ABHD18: variants seen among roughly 807,000 people sequenced by gnomAD.
ABHD18 encodes the protein abhydrolase domain containing 18.
A neutral mutation model predicts 65.9 loss-of-function variants in ABHD18; 55 were observed. The ratio of observed to expected loss-of-function variants is 0.84; its 90% confidence interval spans 0.67 to 1.05. The LOEUF (loss-of-function observed/expected upper bound fraction) is 1.05. Among genes scored for constraint, ABHD18 ranks in the 50% least tolerant of loss-of-function variants. The pLI is 0.00. For synonymous variants in ABHD18, 181 were observed against 180.2 expected (o/e 1.00, Z -0.04); for missense variants, 533 against 558.5 (o/e 0.95, Z 0.46).
chr4:128,028,678 T>C lies in ABHD18; in HGVS notation c.1005T>C (p.Ser335=), dbSNP rs1250881797. The part of the protein sequence containing the change: ...TSEGLLLQDT[S]KMKRFNQTLS... ...AAGGACTCTTATTGCAAGATACCTC[T>C]AAGATGAAGCGCTTCAATCAAACAC... The change falls in exon 11 of 13, where the codon TCT becomes TCC. Residue 335 remains serine (S), a synonymous_variant. Coordinates refer to ENST00000645843, the MANE Select transcript of ABHD18 (RefSeq NM_001358451.3). 1 of 1,613,932 alleles carries C rather than the reference T, an allele frequency of 6.2e-7. No homozygotes were observed. Among genetic ancestry groups the C allele is most frequent in the Non-Finnish European group, 8.5e-7 (1 of 1,179,872 alleles).
At chr4:128,021,269 TGG>T in intron 10 of ABHD18, 31 bp downstream of exon 10, 2 of 1,275,034 alleles carry the variant, frequency 1.6e-6, no homozygotes, top group Non-Finnish European at 2.2e-6. Context: ...CCAACATTGG[TGG>T]TGGGGGGAGT....
intron 4 of ABHD18, among the ~76,000 whole-genome samples, chr4:127,996,970 A>G (rs1253629618): frequency 4.6e-5 from 7 of 152,192 alleles, no homozygotes; most frequent in African/African-American, 1.4e-4. Flanking sequence ...GCAAACACAC[A>G]TTTTACAATC....
chr4:127,991,245 CAG>C (rs1375097315), intron 4 of ABHD18, among the ~76,000 whole-genome samples: 1 of 151,900 alleles, frequency 6.6e-6, no homozygotes, highest in Non-Finnish European at 1.5e-5. Context: ...AGGCTAGAGA[CAG>C]AGTCTCCAGA....
chr4:127,994,216 C>G (rs1388210358), intron 4 of ABHD18, among the ~76,000 whole-genome samples: 2 of 152,092 alleles, frequency 1.3e-5, no homozygotes, highest in African/African-American at 4.8e-5. Context: ...TGTAAAATAG[C>G]TCATGAATTG....
At chr4:127,970,201 A>C (rs1359187985) in intron 1 of ABHD18, among the ~76,000 whole-genome samples, 1 of 152,038 alleles carries the variant, frequency 6.6e-6, no homozygotes, top group Non-Finnish European at 1.5e-5. Flanking sequence ...ATTTTTAATT[A>C]AATGTTATTT....
chr4:127,984,752 C>T (rs184877585), intron 3 of ABHD18, among the ~76,000 whole-genome samples: 35 of 151,978 alleles, frequency 2.3e-4, no homozygotes, highest in Non-Finnish European at 4.6e-4. Context: ...CCCAGCTACT[C>T]GGGAGGCTGA....
At position 128,028,589 on chromosome 4, in the gene ABHD18, G is replaced by A. The variant is rs1369784076; in HGVS notation, c.916G>A (p.Val306Ile). 3.1e-6 allele frequency: 5 copies of A among 1,613,638 alleles called. No homozygotes were observed. Among genetic ancestry groups the A allele is most frequent in the Middle Eastern group, 1.6e-4 (1 of 6,082 alleles). ...RTLNLDISNQ[V>I]VSQKPADCHN... The stretch of plus-strand genomic sequence containing the variant: ...TTTAAATTTAGATATATCAAACCAA[G>A]TTGTATCCCAAAAACCTGCTGACTG... Residue 306 changes from valine (V) to isoleucine (I), a missense_variant, in exon 11 of 13, where the codon GTT (valine) becomes ATT (isoleucine). Val to Ile is a conservative substitution (Grantham distance 29, BLOSUM62 3). This residue lies in a region of ABHD18 where 220 missense variants were observed against 226.8 expected (regional missense o/e 0.97). Coordinates refer to ENST00000645843, the MANE Select transcript of ABHD18 (RefSeq NM_001358451.3).
chr4:128,036,817 G>A lies in ABHD18; in HGVS notation c.*1004G>A, dbSNP rs555253472. 1 of 151,374 alleles carries A rather than the reference G, an allele frequency of 6.6e-6. No individual in the cohort carries two copies. Among genetic ancestry groups the A allele is most frequent in the African/African-American group, 2.4e-5 (1 of 41,238 alleles). The allele number at this position is 151,374 out of a possible 1,614,324, so 9.4% of individuals were successfully genotyped here. A position where few individuals can be genotyped will look rare whatever the true frequency, so the allele number is the denominator to read the frequency against. ...GACTAAAACTTTACTAAAGATTAGG[G>A]TTTTTAAAAAATGCCAATAGGCCGG... On this transcript the variant is annotated 3_prime_UTR_variant, in exon 13 of 13. Coordinates refer to ENST00000645843, the MANE Select transcript of ABHD18 (RefSeq NM_001358451.3).
intron 4 of ABHD18, among the ~76,000 whole-genome samples, chr4:128,004,461 A>G (rs1579310107): frequency 6.6e-6 from 1 of 151,880 alleles, no homozygotes; most frequent in African/African-American, 2.4e-5. Context: ...CAAAAAAAAA[A>G]GAAAAAAAAG....
chr4:128,001,877 T>G, intron 4 of ABHD18: 8 of 1,142,918 alleles, frequency 7.0e-6, no homozygotes, highest in Non-Finnish European at 8.2e-6. Flanking sequence ...TGCCTGCCAC[T>G]CAGAAGACCC....
chr4:127,998,554 T>TC (rs1399628722), intron 4 of ABHD18, among the ~76,000 whole-genome samples: 3 of 151,636 alleles, frequency 2.0e-5, no homozygotes, highest in East Asian at 3.9e-4. Flanking sequence ...TTTTTTTTTT[T>TC]TTAAGAGACT....
intron 7 of ABHD18, among the ~76,000 whole-genome samples, chr4:128,016,974 G>A (rs1055985592): frequency 6.6e-6 from 1 of 151,862 alleles, no homozygotes; most frequent in Admixed American, 6.6e-5. Context: ...CTGGAGTACA[G>A]TGGTGCAGTC....
chr4:127,991,455 C>T (rs928413222), intron 4 of ABHD18, among the ~76,000 whole-genome samples: 2 of 152,132 alleles, frequency 1.3e-5, no homozygotes, highest in African/African-American at 2.4e-5. Context: ...AACTCCTGAC[C>T]TCAAATGATC....
chr4:127,988,185 A>G (rs1286813186), intron 3 of ABHD18, among the ~76,000 whole-genome samples: 2 of 152,182 alleles, frequency 1.3e-5, no homozygotes, highest in African/African-American at 4.8e-5. Flanking sequence ...AATAGATGAC[A>G]TTTGTCCAAC....
intron 10 of ABHD18, among the ~76,000 whole-genome samples, chr4:128,024,078 A>G (rs1756973308): frequency 6.6e-6 from 1 of 152,214 alleles, no homozygotes; most frequent in African/African-American, 2.4e-5. Context: ...AGACTGGGAA[A>G]TTTATAAGAC....
Position 128,037,219 on chromosome 4 carries a change from C to T in ABHD18, c.*1406C>T, listed in dbSNP as rs1485674078. ...GCTGAGGCAGGAGAATTGCTTGAACCCGGGAGGCAGAAGTTGCAGTGAGCG... is the reference window on the plus strand; with the variant it reads ...GCTGAGGCAGGAGAATTGCTTGAACTCGGGAGGCAGAAGTTGCAGTGAGCG... On this transcript the variant is annotated 3_prime_UTR_variant, in exon 13 of 13. Coordinates refer to ENST00000645843, the MANE Select transcript of ABHD18 (RefSeq NM_001358451.3). The T allele has an allele frequency of 6.6e-6, 1 of 151,952 alleles. No homozygotes were observed. Among genetic ancestry groups the T allele is most frequent in the Non-Finnish European group, 1.5e-5 (1 of 68,208 alleles). The allele number at this position is 151,952 out of a possible 1,614,324, so 9.4% of individuals were successfully genotyped here. A position where few individuals can be genotyped will look rare whatever the true frequency, so the allele number is the denominator to read the frequency against.
intron 10 of ABHD18, among the ~76,000 whole-genome samples, chr4:128,027,357 A>G (rs1361974657): frequency 1.3e-5 from 2 of 152,114 alleles, no homozygotes; most frequent in Admixed American, 1.3e-4. Flanking sequence ...TAAACTTAGA[A>G]TATAGTTTTG....
chr4:127,976,849 GGC>G (rs1748013037), intron 1 of ABHD18, among the ~76,000 whole-genome samples: 1 of 152,056 alleles, frequency 6.6e-6, no homozygotes, highest in Non-Finnish European at 1.5e-5. Context: ...AGACCATCCT[GGC>G]TAACACGCTG....
chr4:127,983,105 A>ATAAC, intron 2 of ABHD18, 58 bp downstream of exon 2: 2 of 1,210,064 alleles, frequency 1.7e-6, no homozygotes, highest in Non-Finnish European at 2.4e-6. Context: ...ATGAACATTT[A>ATAAC]AAACTTTGTT....
Sources: gnomAD v4.1 joint callset for allele counts (sites outside exome capture counted in the v4.1 genomes callset) on GRCh38, gnomAD v4.1.1 for gene constraint, gnomAD v4.1.1 regional missense constraint, MANE v1.5 for transcripts, NCBI Gene and HGNC (gene_info 2026-07-23, HGNC 2026-07-21) for gene names.